ZBTB20: variants seen among roughly 807,000 people sequenced by gnomAD.
ZBTB20 encodes zinc finger and BTB domain-containing protein 20.
In ZBTB20, 9 loss-of-function variants were observed where a neutral mutation model predicts 56.9. The observed-to-expected ratio is 0.16, with a 90% CI of 0.10 to 0.28. The LOEUF (loss-of-function observed/expected upper bound fraction) is 0.28, where lower values mean the gene tolerates loss of function less well. ZBTB20 is among the 10% of genes least tolerant of loss of function. ZBTB20 has a pLI of 1.00. For synonymous variants in ZBTB20, 417 were observed against 420.7 expected, an observed-to-expected ratio of 0.99 and a Z score of 0.11; for missense variants, 655 against 1,003.0, an observed-to-expected ratio of 0.65 and a Z score of 4.69.
At chr3:114,793,129 C>T (rs2071087779) in intron 5 of ZBTB20, among the ~76,000 whole-genome samples, 1 of 152,054 alleles carries the variant, frequency 6.6e-6, no homozygotes, top group South Asian at 2.1e-4. Context: ...ATCCATACGC[C>T]TCAGCCTCCC....
intron 4 of ZBTB20, among the ~76,000 whole-genome samples, chr3:114,864,151 A>T (rs2075659897): frequency 6.6e-6 from 1 of 152,110 alleles, no homozygotes; most frequent in African/African-American, 2.4e-5. Flanking sequence ...TTATCTAAAA[A>T]TCACTAGTAC....
intron 7 of ZBTB20, among the ~76,000 whole-genome samples, chr3:114,426,303 A>C (rs1256093386): frequency 5.6e-5 from 8 of 143,470 alleles, no homozygotes; most frequent in Non-Finnish European, 1.0e-4. Flanking sequence ...GCGCCACTGC[A>C]CTCCTGCCTG....
Position 114,948,806 on chromosome 3 carries a change from T to C in ZBTB20, c.-456+25560A>G, listed in dbSNP as rs547387202. 2.7e-5 allele frequency among the ~76,000 whole-genome samples: 4 copies of C among 146,416 alleles called. No homozygotes were observed. The East Asian group carries it at 7.7e-4, about 28-fold the overall frequency. On this transcript the variant is annotated intron_variant, in intron 3 of 11. Transcript: ENST00000675478. ...CACTGTGCAGAAAACTATAAAATAT[T>C]ACTGATTAAAGAAGAATAAAATAAG...
chr3:114,753,361 A>ATACACACAC (rs372723817), intron 5 of ZBTB20, among the ~76,000 whole-genome samples: 1 of 144,884 alleles, frequency 6.9e-6, no homozygotes, highest in Non-Finnish European at 1.5e-5. Flanking sequence ...CATTATATAT[A>ATACACACAC]ATGTATATAT....
intron 7 of ZBTB20, among the ~76,000 whole-genome samples, chr3:114,466,809 C>T (rs1277099449): frequency 1.3e-5 from 2 of 152,102 alleles, no homozygotes; most frequent in Non-Finnish European, 2.9e-5. Flanking sequence ...AGATTAGAAG[C>T]AATAATCCTA....
chr3:114,792,579 T>C (rs2071038495), intron 5 of ZBTB20, among the ~76,000 whole-genome samples: 1 of 152,166 alleles, frequency 6.6e-6, no homozygotes, highest in Non-Finnish European at 1.5e-5. Context: ...CAGATAATTA[T>C]TCTACAGTAA....
At chr3:115,073,747 AAATT>A (rs1473542156) in intron 1 of ZBTB20, among the ~76,000 whole-genome samples, 1 of 151,896 alleles carries the variant, frequency 6.6e-6, no homozygotes, top group Non-Finnish European at 1.5e-5. Context: ...ATATAATTAA[AAATT>A]AACCGTATAC....
intron 6 of ZBTB20, among the ~76,000 whole-genome samples, chr3:114,664,648 T>A (rs951523776): frequency 6.6e-6 from 1 of 151,880 alleles, no homozygotes; most frequent in African/African-American, 2.4e-5. Context: ...TAGGCCGATA[T>A]CTACTGTGGT....
chr3:114,978,337 ATAAG>A (rs1015265192), intron 2 of ZBTB20, among the ~76,000 whole-genome samples: 1 of 149,334 alleles, frequency 6.7e-6, no homozygotes, highest in Non-Finnish European at 1.5e-5. Flanking sequence ...TCTAATACCT[ATAAG>A]TAATAAGGTG....
intron 6 of ZBTB20, chr3:114,684,603 A>G (rs961328999): frequency 9.9e-5 from 15 of 152,214 alleles, no homozygotes; most frequent in African/African-American, 3.6e-4. Context: ...CAGCTCCTGC[A>G]TTGCTACAAG....
At chr3:114,546,141 C>T (rs1403720769) in intron 6 of ZBTB20, among the ~76,000 whole-genome samples, 1 of 152,194 alleles carries the variant, frequency 6.6e-6, no homozygotes, top group African/African-American at 2.4e-5. Flanking sequence ...ACATCTTACA[C>T]AGTGGAAAGC....
At chr3:114,983,641 T>C (rs1298449008) in intron 2 of ZBTB20, among the ~76,000 whole-genome samples, 2 of 152,004 alleles carry the variant, frequency 1.3e-5, no homozygotes, top group Non-Finnish European at 2.9e-5. Context: ...AAAGGCTTCA[T>C]CCTTTCAATT....
chr3:114,390,930 T>C (rs2085812060), intron 7 of ZBTB20, among the ~76,000 whole-genome samples: 2 of 152,214 alleles, frequency 1.3e-5, no homozygotes, highest in South Asian at 2.1e-4. Flanking sequence ...TTTCCTGCCA[T>C]TGGTATTCTC....
At chr3:114,720,306 A>T (rs889833263) in intron 5 of ZBTB20, among the ~76,000 whole-genome samples, 20 of 151,174 alleles carry the variant, frequency 1.3e-4, no homozygotes, top group Non-Finnish European at 2.9e-4. Flanking sequence ...GACACCTCGT[A>T]CTTGTAAAGC....
intron 6 of ZBTB20, among the ~76,000 whole-genome samples, chr3:114,635,553 T>C (rs992638542): frequency 6.6e-6 from 1 of 151,638 alleles, no homozygotes; most frequent in Non-Finnish European, 1.5e-5. Flanking sequence ...TAAATAAAAT[T>C]AGGAAAAAGA....
intron 3 of ZBTB20, among the ~76,000 whole-genome samples, chr3:114,941,495 T>A (rs1168934714): frequency 6.8e-6 from 1 of 146,076 alleles, no homozygotes; most frequent in East Asian, 1.9e-4. Context: ...TCACCAACCA[T>A]AACAGACACC....
At chr3:114,839,445 AAGAAAGAAAGAAAGAAAGAAAGAG>A (rs1203251660) in intron 4 of ZBTB20, among the ~76,000 whole-genome samples, 1 of 151,386 alleles carries the variant, frequency 6.6e-6, no homozygotes, top group African/African-American at 2.4e-5. Flanking sequence ...GAAAGAAAGA[AAGAAAGAAAGAAAGAAAGAAAGAG>A]AGAGAGAAAG....
chr3:114,563,912 C>T (rs933720974), intron 6 of ZBTB20, among the ~76,000 whole-genome samples: 2 of 152,158 alleles, frequency 1.3e-5, no homozygotes, highest in African/African-American at 4.8e-5. Context: ...GTATTAGTTT[C>T]CTATCGCTGC....
intron 5 of ZBTB20, chr3:114,758,788 A>C (rs2068211330): frequency 6.6e-6 from 1 of 152,126 alleles, no homozygotes; most frequent in African/African-American, 2.4e-5. Context: ...GCTCCAATAA[A>C]CAAGTTGATT....
Sources: allele counts gnomAD v4.1 joint callset (sites outside exome capture counted in the v4.1 genomes callset), GRCh38; gene constraint gnomAD v4.1.1; transcripts MANE v1.5; gene names NCBI Gene and HGNC (gene_info 2026-07-23, HGNC 2026-07-21).